The following DPY19L4 variants were observed in gnomAD, a reference collection of about 807,000 sequenced individuals.
DPY19L4 encodes the protein dpy-19 like 4.
A neutral mutation model predicts 102.8 loss-of-function variants in DPY19L4; 97 were observed. That is an observed-to-expected ratio of 0.94 (90% CI 0.80 to 1.12). The LOEUF is 1.12. Ranked by LOEUF, DPY19L4 falls within the 50% of genes most tolerant of loss-of-function variation. DPY19L4 has a pLI of 0.00. For synonymous variants in DPY19L4, 252 were observed against 283.1 expected, an observed-to-expected ratio of 0.89 and a Z score of 1.10; for missense variants, 815 against 850.4, an observed-to-expected ratio of 0.96 and a Z score of 0.52.
intron 13 of DPY19L4, among the ~76,000 whole-genome samples, chr8:94,772,308 A>G (rs1361777686): frequency 6.6e-6 from 1 of 152,190 alleles, no homozygotes; most frequent in East Asian, 1.9e-4. Context: ...TCCTAAGACC[A>G]TCCTTACTTC....
intron 6 of DPY19L4, among the ~76,000 whole-genome samples, chr8:94,754,946 G>A (rs1161370206): frequency 6.6e-6 from 1 of 152,028 alleles, no homozygotes; most frequent in Non-Finnish European, 1.5e-5. Flanking sequence ...GCGCCACCAC[G>A]GCAGGCTAAT....
intron 8 of DPY19L4, among the ~76,000 whole-genome samples, chr8:94,762,730 T>C (rs1355843823): frequency 2.6e-5 from 4 of 151,812 alleles, no homozygotes; most frequent in Admixed American, 2.6e-4. Flanking sequence ...TGAGACCCTA[T>C]CCCTACAAAA....
At chr8:94,765,892 A>G in intron 10 of DPY19L4, 83 bp downstream of exon 10, 1 of 846,108 alleles carries the variant, frequency 1.2e-6, no homozygotes, top group Non-Finnish European at 1.9e-6. Context: ...GAATAATGAG[A>G]TAGCACGTAA....
chr8:94,732,178 T>TTATG (rs1810989121), intron 2 of DPY19L4, among the ~76,000 whole-genome samples: 2 of 152,200 alleles, frequency 1.3e-5, no homozygotes, highest in South Asian at 4.1e-4. Flanking sequence ...ATGCAAACTA[T>TTATG]TATGTATTAA....
At chr8:94,732,430 T>G (rs368245024) in intron 2 of DPY19L4, among the ~76,000 whole-genome samples, 20 of 152,292 alleles carry the variant, frequency 1.3e-4, no homozygotes, top group African/African-American at 4.6e-4. Context: ...CAGTGGCTCA[T>G]GTCTGTAATT....
chr8:94,788,685 C>A (rs1216223015), intron 18 of DPY19L4, among the ~76,000 whole-genome samples: 1 of 152,178 alleles, frequency 6.6e-6, no homozygotes, highest in African/African-American at 2.4e-5. Flanking sequence ...CATGGCCTTC[C>A]AATGAAGGCA....
At chr8:94,743,238 C>T (rs374135809) in intron 6 of DPY19L4, among the ~76,000 whole-genome samples, 1 of 150,910 alleles carries the variant, frequency 6.6e-6, no homozygotes, top group African/African-American at 2.4e-5. Context: ...CATGTTGGCC[C>T]AGGCTGTTCT....
chr8:94,757,737 T>G (rs17646077), intron 7 of DPY19L4, among the ~76,000 whole-genome samples: 69,365 of 151,874 alleles, frequency 0.46, 18,021 homozygotes, highest in African/African-American at 0.73. Flanking sequence ...AATAGTCAGG[T>G]AGTCTATGAT....
At chr8:94,764,300 G>A (rs903168561) in intron 8 of DPY19L4, among the ~76,000 whole-genome samples, 7 of 152,080 alleles carry the variant, frequency 4.6e-5, no homozygotes, top group African/African-American at 1.7e-4. Flanking sequence ...GATAAGGGCC[G>A]GGTGTGTGGC....
Position 94,745,508 on chromosome 8 carries a change from TA to T in DPY19L4, c.611+5720del, listed in dbSNP as rs567072584. Among the ~76,000 whole-genome samples the T allele has an allele frequency of 1.2e-4, 18 of 152,214 alleles. No individual in the cohort carries two copies. In the East Asian group the frequency reaches 3.5e-3, roughly 29 times the overall value. Reference sequence around the variant, plus strand: ...GTAACATTGTACAGTTGTACAATGGTAACAATTAAGGAATAAGATGCAAGGA... The same window carrying T: ...GTAACATTGTACAGTTGTACAATGGTACAATTAAGGAATAAGATGCAAGGA... On this transcript the variant is annotated intron_variant, in intron 6 of 18. Transcript: ENST00000414645.
chr8:94,777,755 T>C lies in DPY19L4; in HGVS notation c.1544T>C (p.Leu515Pro). The C allele has an allele frequency of 6.2e-7, 1 of 1,614,066 alleles. No individual in the cohort carries two copies. Among genetic ancestry groups the C allele is most frequent in the Non-Finnish European group, 8.5e-7 (1 of 1,179,984 alleles). ...CTTTGGATGACACTTTTCAAGTGGC[T>C]TCGATTAAGAACTGTACACCCAATA... ...PELWMTLFKW[L>P]RLRTVHPILL... Residue 515 changes from leucine (L) to proline (P), a missense_variant, in exon 14 of 19, where the codon CTT (leucine) becomes CCT (proline). Coordinates refer to ENST00000414645, the MANE Select transcript of DPY19L4 (RefSeq NM_181787.3).
At chr8:94,752,879 A>G (rs1291265660) in intron 6 of DPY19L4, among the ~76,000 whole-genome samples, 1 of 151,380 alleles carries the variant, frequency 6.6e-6, no homozygotes, top group Non-Finnish European at 1.5e-5. Context: ...GTTAGCCAGG[A>G]TGGTCTCGAT....
intron 11 of DPY19L4, 94 bp downstream of exon 11, chr8:94,766,779 T>C: frequency 2.6e-6 from 3 of 1,172,950 alleles, no homozygotes; most frequent in Non-Finnish European, 3.6e-6. Context: ...GGCTCACATC[T>C]GTAATCCCAG....
At chr8:94,734,323 C>G (rs1424840983) in intron 2 of DPY19L4, among the ~76,000 whole-genome samples, 3 of 152,098 alleles carry the variant, frequency 2.0e-5, no homozygotes, top group Non-Finnish European at 4.4e-5. Context: ...CCACCATGCC[C>G]AGCCCCTAAT....
intron 13 of DPY19L4, among the ~76,000 whole-genome samples, chr8:94,775,744 T>C (rs1813147678): frequency 6.6e-6 from 1 of 152,218 alleles, no homozygotes; most frequent in African/African-American, 2.4e-5. Context: ...CCAGGGAATA[T>C]ATCATAGAAG....
chr8:94,766,686 G>A lies in DPY19L4; in HGVS notation c.1175+1G>A. The A allele has an allele frequency of 6.2e-7, 1 of 1,610,698 alleles. No individual in the cohort carries two copies. The highest frequency in any genetic ancestry group is 2.2e-5 in the East Asian group (1 of 44,842). On this transcript the variant is annotated splice_donor_variant, in intron 11 of 18. Coordinates refer to ENST00000414645, the MANE Select transcript of DPY19L4 (RefSeq NM_181787.3). LOFTEE classifies it high-confidence loss of function. The stretch of plus-strand genomic sequence containing the variant: ...TAAAATTTGGACTAAATATGACCAA[G>A]TAAGTTTTAGATTATGTAAGTTTAC...
intron 1 of DPY19L4, among the ~76,000 whole-genome samples, chr8:94,722,299 C>G (rs1004654515): frequency 6.6e-6 from 1 of 151,402 alleles, no homozygotes; most frequent in Non-Finnish European, 1.5e-5. Flanking sequence ...CCCAGCTACC[C>G]GGGAGGCTGA....
At chr8:94,733,078 G>C (rs1037871291) in intron 2 of DPY19L4, among the ~76,000 whole-genome samples, 1 of 149,608 alleles carries the variant, frequency 6.7e-6, no homozygotes, top group Non-Finnish European at 1.5e-5. Flanking sequence ...GAAGTTTTGG[G>C]GTTACAGACC....
intron 1 of DPY19L4, among the ~76,000 whole-genome samples, chr8:94,720,422 C>T (rs1190587468): frequency 6.6e-6 from 1 of 151,914 alleles, no homozygotes; most frequent in African/African-American, 2.4e-5. Context: ...ATTGACAAAC[C>T]CAGAGGCACA....
Sources: gnomAD v4.1 joint callset for allele counts (sites outside exome capture counted in the v4.1 genomes callset) on GRCh38, gnomAD v4.1.1 for gene constraint, MANE v1.5 for transcripts, NCBI Gene and HGNC (gene_info 2026-07-23, HGNC 2026-07-21) for gene names.